The following CDH13 variants were observed in gnomAD, a reference collection of about 807,000 sequenced individuals.
The protein encoded by CDH13 is cadherin 13, also known as cadherin-13.
A neutral mutation model predicts 63.8 loss-of-function variants in CDH13; 24 were observed. The observed-to-expected ratio is 0.38, with a 90% confidence interval of 0.27 to 0.53. The LOEUF (loss-of-function observed/expected upper bound fraction) is 0.53, where lower values mean the gene tolerates loss of function less well. Among genes scored for constraint, CDH13 ranks in the 20% least tolerant of loss-of-function variants. The probability of loss-of-function intolerance (pLI) is 0.85; values close to 1 mark genes in which losing one functional copy is unlikely to be tolerated. For synonymous variants in CDH13, 503 were observed against 355.3 expected, an observed-to-expected ratio of 1.42 and a Z score of -4.67; for missense variants, 1,049 against 903.1, an observed-to-expected ratio of 1.16 and a Z score of -2.07.
intron 5 of CDH13, among the ~76,000 whole-genome samples, chr16:83,262,960 G>T (rs1907164981): frequency 6.6e-6 from 1 of 152,182 alleles, no homozygotes; most frequent in African/African-American, 2.4e-5. Context: ...GATGTTGTTT[G>T]TCCTGAGAAT....
chr16:83,239,659 C>A (rs1188839877), intron 5 of CDH13, among the ~76,000 whole-genome samples: 1 of 152,180 alleles, frequency 6.6e-6, no homozygotes. Context: ...TCTGTCTTTT[C>A]CACTTGTTCT....
At chr16:83,714,045 T>A (rs1908502328) in intron 10 of CDH13, among the ~76,000 whole-genome samples, 1 of 151,518 alleles carries the variant, frequency 6.6e-6, no homozygotes, top group South Asian at 2.1e-4. Context: ...CCTATACCCA[T>A]CGCTGGCCAC....
intron 8 of CDH13, among the ~76,000 whole-genome samples, chr16:83,665,744 T>C (rs1271451800): frequency 1.3e-5 from 2 of 152,232 alleles, no homozygotes; most frequent in Admixed American, 6.5e-5. Context: ...CCTTTAAACT[T>C]GTCCTCTGTC....
chr16:82,835,377 T>A (rs1360856167), intron 1 of CDH13, among the ~76,000 whole-genome samples: 12 of 152,138 alleles, frequency 7.9e-5, no homozygotes, highest in Admixed American at 7.9e-4. Context: ...CTTTTTAAGG[T>A]CACATAGCAC....
Position 83,799,395 on chromosome 16 carries a change from G to C in CDH13, c.*4365G>C, listed in dbSNP as rs1193414301. 6.6e-6 allele frequency: 1 copy of C among 152,090 alleles called. No individual in the cohort carries two copies. Among genetic ancestry groups the C allele is most frequent in the Non-Finnish European group, 1.5e-5 (1 of 68,034 alleles). 9.4% of individuals were successfully genotyped at this position (152,090 alleles called of 1,614,324 possible). ...CAACTGAGGGGAGAGAAAACTGAGGGAGAAAGTGGGGTGGGGTCTCAAAGG... is the reference window on the plus strand; with the variant it reads ...CAACTGAGGGGAGAGAAAACTGAGGCAGAAAGTGGGGTGGGGTCTCAAAGG... On this transcript the variant is annotated 3_prime_UTR_variant, in exon 14 of 14. Coordinates refer to ENST00000567109, the MANE Select transcript of CDH13 (RefSeq NM_001257.5).
intron 4 of CDH13, among the ~76,000 whole-genome samples, chr16:83,175,065 A>T (rs1187760099): frequency 6.6e-6 from 1 of 152,114 alleles, no homozygotes; most frequent in Non-Finnish European, 1.5e-5. Flanking sequence ...ATTTCAAATC[A>T]TCAGCTACGT....
At chr16:82,792,704 C>G (rs2036378638) in intron 1 of CDH13, among the ~76,000 whole-genome samples, 1 of 152,196 alleles carries the variant, frequency 6.6e-6, no homozygotes, top group Non-Finnish European at 1.5e-5. Context: ...CTCAGAAGGC[C>G]TTTATTTATT....
chr16:83,205,960 A>C (rs1284437290), intron 4 of CDH13, among the ~76,000 whole-genome samples: 2 of 152,068 alleles, frequency 1.3e-5, no homozygotes, highest in Non-Finnish European at 2.9e-5. Context: ...GGCTGAGCGA[A>C]TGTCAGTGTA....
intron 6 of CDH13, among the ~76,000 whole-genome samples, chr16:83,476,726 C>T (rs1394499406): frequency 1.3e-5 from 2 of 152,042 alleles, no homozygotes; most frequent in Non-Finnish European, 2.9e-5. Flanking sequence ...CACACCGTGT[C>T]CTTTTGTTGT....
At chr16:83,418,398 A>G (rs2151466593) in intron 6 of CDH13, among the ~76,000 whole-genome samples, 1 of 152,302 alleles carries the variant, frequency 6.6e-6, no homozygotes, top group African/African-American at 2.4e-5. Context: ...TTTTTTCCAA[A>G]TTAAGAAAAA....
chr16:83,042,824 T>C lies in CDH13; in HGVS notation c.366+10606T>C, dbSNP rs143221698. Reference sequence around the variant, plus strand: ...ATATCGATCCTGCTTACATGAAATATGTTTTACAACAATCCCAGTGGAGAA... The same window carrying C: ...ATATCGATCCTGCTTACATGAAATACGTTTTACAACAATCCCAGTGGAGAA... On this transcript the variant is annotated intron_variant, in intron 3 of 13. Transcript: ENST00000567109. Among the ~76,000 whole-genome samples, 72 of 152,364 alleles carry C rather than the reference T, an allele frequency of 4.7e-4. 1 individual carries two copies. The highest frequency in any genetic ancestry group is 9.1e-4 in the Non-Finnish European group (62 of 68,040).
intron 10 of CDH13, among the ~76,000 whole-genome samples, chr16:83,705,396 G>T (rs1906870349): frequency 6.6e-6 from 1 of 152,126 alleles, no homozygotes; most frequent in Non-Finnish European, 1.5e-5. Context: ...GCTGAGGCGG[G>T]CAGATCACGA....
intron 2 of CDH13, among the ~76,000 whole-genome samples, chr16:83,026,941 G>T (rs1018783175): frequency 2.6e-5 from 4 of 152,230 alleles, no homozygotes; most frequent in East Asian, 3.9e-4. Flanking sequence ...ATTCTAAATG[G>T]ATACACACGG....
chr16:83,262,264 T>A (rs7188467), intron 5 of CDH13, among the ~76,000 whole-genome samples: 1 of 152,078 alleles, frequency 6.6e-6, no homozygotes, highest in Non-Finnish European at 1.5e-5. Flanking sequence ...CATGGGGTAA[T>A]GGGCCTCCAT....
intron 4 of CDH13, chr16:83,171,447 C>T (rs2151729202): frequency 8.0e-7 from 1 of 1,255,172 alleles, no homozygotes; most frequent in East Asian, 2.5e-5. Flanking sequence ...AGATCCAAAC[C>T]ATATCAAAAG....
intron 8 of CDH13, among the ~76,000 whole-genome samples, chr16:83,624,490 T>G (rs1434850102): frequency 1.3e-5 from 2 of 152,090 alleles, no homozygotes; most frequent in African/African-American, 4.8e-5. Context: ...ATCAGTTAGA[T>G]TCTCTTAAGA....
intron 7 of CDH13, among the ~76,000 whole-genome samples, chr16:83,564,542 G>T (rs188526720): frequency 6.4e-4 from 97 of 151,992 alleles, no homozygotes; most frequent in African/African-American, 2.2e-3. Context: ...CTGAGTAGCT[G>T]GTATTACAGG....
intron 2 of CDH13, among the ~76,000 whole-genome samples, chr16:82,975,115 G>A (rs906939644): frequency 3.3e-5 from 5 of 152,228 alleles, no homozygotes; most frequent in Admixed American, 2.6e-4. Context: ...GCATAAACAA[G>A]TCTTGAATAA....
intron 7 of CDH13, among the ~76,000 whole-genome samples, chr16:83,512,348 AT>A (rs1201365434): frequency 6.8e-6 from 1 of 146,120 alleles, no homozygotes; most frequent in African/African-American, 2.5e-5. Flanking sequence ...AAATAAATAA[AT>A]AAATAAATAA....
Sources: gnomAD v4.1 joint callset for allele counts (sites outside exome capture counted in the v4.1 genomes callset) on GRCh38, gnomAD v4.1.1 for gene constraint, MANE v1.5 for transcripts, NCBI Gene and HGNC (gene_info 2026-07-23, HGNC 2026-07-21) for gene names.